The following ARRB1 variants were observed in gnomAD, a reference collection of about 807,000 sequenced individuals.
ARRB1 encodes beta-arrestin-1.
A neutral mutation model predicts 56.8 loss-of-function variants in ARRB1; 21 were observed. The observed-to-expected ratio is 0.37, with a 90% CI of 0.26 to 0.53. The LOEUF is 0.53. Ranked by LOEUF, ARRB1 falls within the 20% of genes least tolerant of loss-of-function variation. ARRB1 has a pLI of 0.88. For synonymous variants in ARRB1, 210 were observed against 218.6 expected, an observed-to-expected ratio of 0.96 and a Z score of 0.35; for missense variants, 424 against 553.7, an observed-to-expected ratio of 0.77 and a Z score of 2.35.
intron 1 of ARRB1, among the ~76,000 whole-genome samples, chr11:75,347,228 A>G (rs916074281): frequency 6.6e-6 from 1 of 152,264 alleles, no homozygotes; most frequent in Non-Finnish European, 1.5e-5. Context: ...ATCAGGGATC[A>G]GAGACAGTGG....
intron 1 of ARRB1, among the ~76,000 whole-genome samples, chr11:75,335,337 C>T (rs1250677975): frequency 6.6e-6 from 1 of 152,202 alleles, no homozygotes; most frequent in African/African-American, 2.4e-5. Context: ...GTAATCCCAG[C>T]ACTTTGGGAG....
chr11:75,276,371 G>T (rs1946201613), intron 10 of ARRB1, among the ~76,000 whole-genome samples: 4 of 152,132 alleles, frequency 2.6e-5, no homozygotes, highest in Non-Finnish European at 4.4e-5. Context: ...AAACCTAGAT[G>T]ATTTTTTTGT....
intron 1 of ARRB1, among the ~76,000 whole-genome samples, chr11:75,325,060 C>A (rs1213041412): frequency 6.6e-6 from 1 of 152,112 alleles, no homozygotes; most frequent in Non-Finnish European, 1.5e-5. Context: ...TGGCAGAGAA[C>A]GTATGCTGGT....
chr11:75,329,596 C>T (rs1947489009), intron 1 of ARRB1, among the ~76,000 whole-genome samples: 1 of 152,196 alleles, frequency 6.6e-6, no homozygotes, highest in African/African-American at 2.4e-5. Flanking sequence ...CGGACCACTG[C>T]CTTCCTGGCC....
At chr11:75,300,426 G>A (rs1946873068) in intron 1 of ARRB1, among the ~76,000 whole-genome samples, 1 of 152,168 alleles carries the variant, frequency 6.6e-6, no homozygotes, top group South Asian at 2.1e-4. Flanking sequence ...CAGCAAGTAA[G>A]CAACAGAGCT....
chr11:75,313,818 C>T (rs536964212), intron 1 of ARRB1, among the ~76,000 whole-genome samples: 1 of 152,202 alleles, frequency 6.6e-6, no homozygotes, highest in Admixed American at 6.5e-5. Context: ...AGCTAGTAAG[C>T]AGTGGAGTCT....
Position 75,261,532 on chromosome 11 carries a change from A to C in ARRB1, c.*4631T>G, listed in dbSNP as rs1168815461. On this transcript the variant is annotated 3_prime_UTR_variant, in exon 16 of 16. Transcript: ENST00000420843. ...CCCTGACAAAGCTCTGTGGAATATC[A>C]GGGGTTCCGCAGCACCTGGTTTGAA... 6.6e-6 allele frequency: 1 copy of C among 152,222 alleles called. No individual in the cohort carries two copies. Among genetic ancestry groups the C allele is most frequent in the Non-Finnish European group, 1.5e-5 (1 of 68,056 alleles). The allele number at this position is 152,222 out of a possible 1,614,324, so 9.4% of individuals were successfully genotyped here. A position where few individuals can be genotyped will look rare whatever the true frequency, so the allele number is the denominator to read the frequency against.
At position 75,264,027 on chromosome 11, in the gene ARRB1, C is replaced by A. The variant is rs191648893; in HGVS notation, c.*2136G>T. Among the ~76,000 whole-genome samples the A allele has an allele frequency of 1.3e-5, 2 of 152,196 alleles. No individual in the cohort carries two copies. Among genetic ancestry groups the A allele is most frequent in the Non-Finnish European group, 2.9e-5 (2 of 68,028 alleles). Reference sequence around the variant, plus strand: ...TTGCTCCAGCATTTCATCAGCTCTGCGCCTGCCCAGATGAGGTGCAGCCTG... The same window carrying A: ...TTGCTCCAGCATTTCATCAGCTCTGAGCCTGCCCAGATGAGGTGCAGCCTG... On this transcript the variant is annotated 3_prime_UTR_variant, in exon 16 of 16. Coordinates refer to ENST00000420843, the MANE Select transcript of ARRB1 (RefSeq NM_004041.5).
At chr11:75,320,150 T>C (rs904551090) in intron 1 of ARRB1, among the ~76,000 whole-genome samples, 1 of 152,108 alleles carries the variant, frequency 6.6e-6, no homozygotes, top group Non-Finnish European at 1.5e-5. Flanking sequence ...GCCCCCATCC[T>C]GAAGGATTTG....
chr11:75,304,145 G>T (rs1209139549), intron 1 of ARRB1, among the ~76,000 whole-genome samples: 1 of 151,902 alleles, frequency 6.6e-6, no homozygotes, highest in East Asian at 1.9e-4. Flanking sequence ...ATTTAAAGGG[G>T]GTTTTTGTTT....
chr11:75,282,072 G>A (rs779465028), intron 5 of ARRB1, 51 bp from the exon 6 acceptor site: 111 of 1,595,062 alleles, frequency 7.0e-5, no homozygotes, highest in Non-Finnish European at 9.5e-6. Context: ...CCACTGTCCT[G>A]TCTCATGTAT....
chr11:75,306,476 G>A (rs560644874), intron 1 of ARRB1: 4 of 735,802 alleles, frequency 5.4e-6, no homozygotes, highest in Admixed American at 2.3e-5. Flanking sequence ...ACATCTCATG[G>A]AGAGAGGAAG....
At position 75,282,035 on chromosome 11, in the gene ARRB1, G is replaced by C. The variant is rs1946355064; in HGVS notation, c.355-14C>G. The C allele has an allele frequency of 1.9e-6, 3 of 1,613,824 alleles. No homozygotes were observed. Among genetic ancestry groups the C allele is most frequent in the Non-Finnish European group, 2.5e-6 (3 of 1,179,910 alleles). ...GTTTGGAGGGATCTGTCAAGAAGAG[G>C]ACAGAACGAGCCACCTGTCACATCC... On this transcript the variant is annotated splice_polypyrimidine_tract_variant and intron_variant, in intron 5 of 15. Transcript: ENST00000420843.
intron 1 of ARRB1, among the ~76,000 whole-genome samples, chr11:75,316,242 G>A (rs539924378): frequency 1.8e-4 from 28 of 151,850 alleles, no homozygotes; most frequent in African/African-American, 6.8e-4. Context: ...CGGGAGAATT[G>A]CTTGAACCCG....
intron 8 of ARRB1, among the ~76,000 whole-genome samples, chr11:75,278,246 C>T (rs1946244167): frequency 6.6e-6 from 1 of 152,114 alleles, no homozygotes; most frequent in Non-Finnish European, 1.5e-5. Flanking sequence ...CAGTGTTTGG[C>T]AGGAAGGTCA....
At chr11:75,326,351 C>T (rs1378517265) in intron 1 of ARRB1, among the ~76,000 whole-genome samples, 1 of 152,230 alleles carries the variant, frequency 6.6e-6, no homozygotes, top group Admixed American at 6.5e-5. Context: ...GTGATAACAA[C>T]AGCAGCTAAC....
intron 1 of ARRB1, among the ~76,000 whole-genome samples, chr11:75,310,315 CA>C (rs1947129152): frequency 6.6e-6 from 1 of 152,056 alleles, no homozygotes; most frequent in Non-Finnish European, 1.5e-5. Flanking sequence ...AACCTGGGTT[CA>C]ACATAGGTAG....
rs187983766 is a variant in ARRB1 at position 75,288,394 on chromosome 11, T to C, written c.52-1019A>G. ...GAGGGAAAAACCCCCGAGACAGAAT[T>C]CCAGCGGCTAAACCAGATCCAGAGC... On this transcript the variant is annotated intron_variant, in intron 2 of 15. Transcript: ENST00000420843. Among the ~76,000 whole-genome samples the C allele has an allele frequency of 1.7e-3, 260 of 152,030 alleles. 1 individual carries two copies. Among genetic ancestry groups the C allele is most frequent in the South Asian group, 9.8e-3 (47 of 4,806 alleles).
intron 1 of ARRB1, among the ~76,000 whole-genome samples, chr11:75,341,534 G>A (rs111531646): frequency 2.0e-5 from 3 of 152,132 alleles, no homozygotes; most frequent in South Asian, 2.1e-4. Flanking sequence ...TGAGGCCGGA[G>A]AGTTTAAGAC....
Sources: allele counts gnomAD v4.1 joint callset (sites outside exome capture counted in the v4.1 genomes callset), GRCh38; gene constraint gnomAD v4.1.1; transcripts MANE v1.5; gene names NCBI Gene and HGNC (gene_info 2026-07-23, HGNC 2026-07-21).